Variants in DNAH12 observed in about 807,000 individuals in gnomAD.
The protein encoded by DNAH12 is axonemal beta dynein heavy chain 12.
In DNAH12, 285 loss-of-function variants were observed where a neutral mutation model predicts 371.5. The ratio of observed to expected loss-of-function variants is 0.77; its 90% confidence interval spans 0.70 to 0.85. The LOEUF (loss-of-function observed/expected upper bound fraction) is 0.85, where lower values mean the gene tolerates loss of function less well. DNAH12 is among the 40% of genes least tolerant of loss of function. The probability of loss-of-function intolerance (pLI) is 0.00; values close to 1 mark genes in which losing one functional copy is unlikely to be tolerated. For synonymous variants in DNAH12, 1,200 were observed against 1,213.0 expected, an observed-to-expected ratio of 0.99 and a Z score of 0.22; for missense variants, 3,611 against 3,689.4, an observed-to-expected ratio of 0.98 and a Z score of 0.55.
intron 25 of DNAH12, among the ~76,000 whole-genome samples, chr3:57,447,843 TTTTG>T (rs1291512808): frequency 1.3e-5 from 2 of 151,994 alleles, no homozygotes; most frequent in East Asian, 3.9e-4. Context: ...TCAGTTTATT[TTTTG>T]TATTTTTAGT....
At chr3:57,428,954 A>G (rs933953315) in intron 33 of DNAH12, 133 bp from the exon 34 acceptor site, 7 of 833,728 alleles carry the variant, frequency 8.4e-6, no homozygotes, top group Middle Eastern at 4.7e-4. Flanking sequence ...AGCTTCACAC[A>G]GTCTAGACGT....
At chr3:57,301,996 T>C in intron 69 of DNAH12, 57 bp from the exon 70 acceptor site, 1 of 1,502,042 alleles carries the variant, frequency 6.7e-7, no homozygotes, top group South Asian at 1.2e-5. Context: ...ATACGGTCTT[T>C]CCAGAAGAAG....
chr3:57,359,199 T>C (rs1055425477), intron 58 of DNAH12, among the ~76,000 whole-genome samples: 1 of 152,238 alleles, frequency 6.6e-6, no homozygotes, highest in Non-Finnish European at 1.5e-5. Context: ...TTAAGAAATA[T>C]AAATACATTT....
At chr3:57,434,572 G>A (rs1319832740) in intron 30 of DNAH12, among the ~76,000 whole-genome samples, 1 of 152,072 alleles carries the variant, frequency 6.6e-6, no homozygotes, top group East Asian at 1.9e-4. Context: ...CCTAGAAGAG[G>A]GGGGGATATT....
rs562284843 is a variant in DNAH12 at position 57,446,627 on chromosome 3, G to T, written c.3849C>A (p.Thr1283=). 3 of 1,549,786 alleles carry T rather than the reference G, an allele frequency of 1.9e-6. No homozygotes were observed. The highest frequency in any genetic ancestry group is 2.7e-5 in the African/African-American group (2 of 73,116). Residue 1283 remains threonine (T), a synonymous_variant, in exon 26 of 74, where the codon ACC becomes ACA. Coordinates refer to ENST00000495027, the MANE Select transcript of DNAH12 (RefSeq NM_001366028.2). Reference sequence around the variant, plus strand: ...CTTTAGCCAAGTCCTTGGTGGTTTCGGTTTTTCCTGTGCCTGCTGGCCCCT... The same window carrying T: ...CTTTAGCCAAGTCCTTGGTGGTTTCTGTTTTTCCTGTGCCTGCTGGCCCCT... ...APEGPAGTGK[T]ETTKDLAKAL... is the part of the protein sequence containing the mutation.
chr3:57,299,347 A>G (rs910708883), intron 70 of DNAH12, among the ~76,000 whole-genome samples: 1 of 152,204 alleles, frequency 6.6e-6, no homozygotes, highest in East Asian at 1.9e-4. Context: ...CATTTACTCT[A>G]TAAAATAACA....
At chr3:57,507,896 C>T in intron 7 of DNAH12, 58 bp from the exon 8 acceptor site, 2 of 1,458,048 alleles carry the variant, frequency 1.4e-6, no homozygotes, top group Non-Finnish European at 1.8e-6. Flanking sequence ...GGTCTTAAAA[C>T]ACAATTGTTG....
chr3:57,396,286 A>AAAAAC (rs1553676569), intron 43 of DNAH12, among the ~76,000 whole-genome samples: 792 of 72,308 alleles, frequency 0.011, 11 homozygotes, highest in Non-Finnish European at 0.012. Context: ...CTCAAAAAAA[A>AAAAAC]AAACAAAAAA....
At chr3:57,320,221 T>C (rs2061775166) in intron 65 of DNAH12, among the ~76,000 whole-genome samples, 1 of 152,186 alleles carries the variant, frequency 6.6e-6, no homozygotes, top group African/African-American at 2.4e-5. Context: ...TTGACTAAAA[T>C]GTCAGCTCCA....
chr3:57,437,163 C>T (rs188172096), intron 29 of DNAH12, 103 bp from the exon 30 acceptor site: 9 of 728,716 alleles, frequency 1.2e-5, no homozygotes, highest in Admixed American at 6.8e-5. Flanking sequence ...AAAAAACTAT[C>T]ATCATTGTTT....
intron 43 of DNAH12, among the ~76,000 whole-genome samples, chr3:57,399,855 C>A (rs962059491): frequency 6.6e-6 from 1 of 152,160 alleles, no homozygotes; most frequent in Non-Finnish European, 1.5e-5. Context: ...GTAACATTTT[C>A]TTTTATCTGG....
At chr3:57,492,135 C>G (rs1158291307) in intron 11 of DNAH12, among the ~76,000 whole-genome samples, 1 of 152,116 alleles carries the variant, frequency 6.6e-6, no homozygotes, top group Non-Finnish European at 1.5e-5. Flanking sequence ...GCACTCCAGC[C>G]TGGACAACAG....
At chr3:57,497,200 A>G (rs1214939076) in intron 11 of DNAH12, among the ~76,000 whole-genome samples, 1 of 152,222 alleles carries the variant, frequency 6.6e-6, no homozygotes, top group Non-Finnish European at 1.5e-5. Flanking sequence ...ATGGAATCCT[A>G]ACCAAAATCC....
chr3:57,367,140 C>T (rs1417663125), intron 56 of DNAH12, among the ~76,000 whole-genome samples: 2 of 152,224 alleles, frequency 1.3e-5, no homozygotes, highest in Admixed American at 1.3e-4. Flanking sequence ...CCAGCCTGGC[C>T]AACATGGTGA....
chr3:57,305,821 GAA>G (rs1202442878), intron 69 of DNAH12, among the ~76,000 whole-genome samples: 2 of 152,026 alleles, frequency 1.3e-5, no homozygotes, highest in African/African-American at 4.8e-5. Context: ...TATGATAATA[GAA>G]AAAAGTTGCA....
chr3:57,402,413 G>T, intron 43 of DNAH12: 1 of 1,304,776 alleles, frequency 7.7e-7, no homozygotes, highest in Non-Finnish European at 1.0e-6. Flanking sequence ...GTTGGTCACC[G>T]GGACAGCAAT....
intron 39 of DNAH12, among the ~76,000 whole-genome samples, chr3:57,408,754 AC>A (rs10715726): frequency 0.63 from 79,841 of 126,974 alleles, 22,203 homozygotes; most frequent in African/African-American, 0.74. Context: ...ATCTGGAATG[AC>A]CCTTCCCTCT....
intron 72 of DNAH12, 64 bp from the exon 73 acceptor site, chr3:57,295,656 G>C (rs187725790): frequency 1.8e-5 from 25 of 1,377,516 alleles, no homozygotes; most frequent in Middle Eastern, 1.9e-4. Flanking sequence ...AGAACAGATT[G>C]CTACTTAGAT....
At position 57,314,631 on chromosome 3, in the gene DNAH12, C is replaced by T. The variant is rs1208770159; in HGVS notation, c.10525G>A (p.Ala3509Thr). 1.3e-6 allele frequency: 2 copies of T among 1,534,194 alleles called. No homozygotes were observed. The highest frequency in any genetic ancestry group is 2.8e-5 in the African/African-American group (2 of 71,102). Residue 3509 changes from alanine to threonine, a missense_variant and splice_region_variant, in exon 66 of 74, where the codon GCC becomes ACC. Transcript: ENST00000495027. ...FFKGCRGKEL[A>T]WEKLLFGVCF... Reference sequence around the variant, plus strand: ...ACTCCAAACAGTAACTTCTCCCAGGCCTTTAATATAAAAAGTACATAACAA... The same window carrying T: ...ACTCCAAACAGTAACTTCTCCCAGGTCTTTAATATAAAAAGTACATAACAA...
Sources: gnomAD v4.1 joint callset for allele counts (sites outside exome capture counted in the v4.1 genomes callset) on GRCh38, gnomAD v4.1.1 for gene constraint, MANE v1.5 for transcripts, NCBI Gene and HGNC (gene_info 2026-07-23, HGNC 2026-07-21) for gene names.